Variants in FBXL17 observed in about 807,000 individuals in gnomAD.
FBXL17 encodes F-box/LRR-repeat protein 17.
In FBXL17, 22 loss-of-function variants were observed where a neutral mutation model predicts 66.2. The observed-to-expected ratio is 0.33, with a 90% CI of 0.24 to 0.47. The LOEUF (loss-of-function observed/expected upper bound fraction) is 0.47. FBXL17 is among the 20% of genes least tolerant of loss of function. The pLI is 1.00. For synonymous variants in FBXL17, 474 were observed against 400.5 expected, an observed-to-expected ratio of 1.18 and a Z score of -2.19; for missense variants, 878 against 948.2, an observed-to-expected ratio of 0.93 and a Z score of 0.97.
intron 4 of FBXL17, among the ~76,000 whole-genome samples, chr5:108,257,415 T>C (rs766965670): frequency 5.7e-4 from 86 of 152,144 alleles, no homozygotes; most frequent in Non-Finnish European, 4.6e-4. Flanking sequence ...TGATTAAATC[T>C]TACCAAGGCC....
chr5:107,935,822 A>G (rs1368710323), intron 7 of FBXL17, among the ~76,000 whole-genome samples: 2 of 152,088 alleles, frequency 1.3e-5, no homozygotes, highest in African/African-American at 4.8e-5. Context: ...CATGGAAGCA[A>G]TGGAGGGGAA....
chr5:108,001,559 G>A (rs908364458), intron 7 of FBXL17, among the ~76,000 whole-genome samples: 8 of 151,700 alleles, frequency 5.3e-5, no homozygotes, highest in African/African-American at 1.2e-4. Flanking sequence ...GGAGTGCAGC[G>A]GTGCTATCTC....
At chr5:108,288,278 C>CA (rs1022103394) in intron 4 of FBXL17, among the ~76,000 whole-genome samples, 3 of 145,668 alleles carry the variant, frequency 2.1e-5, no homozygotes, top group African/African-American at 7.6e-5. Flanking sequence ...AGTTCAACAA[C>CA]AAAAAAAGCT....
intron 6 of FBXL17, among the ~76,000 whole-genome samples, chr5:108,054,443 A>T (rs10043959): frequency 0.29 from 43,704 of 151,746 alleles, 7,477 homozygotes; most frequent in Admixed American, 0.4. Context: ...GACTCCTCAC[A>T]GAGTTTCCAC....
rs1037056174 is a variant in FBXL17 at position 108,054,182 on chromosome 5, G to C, written c.1746-33181C>G. Among the ~76,000 whole-genome samples the C allele has an allele frequency of 2.6e-5, 4 of 151,568 alleles. No homozygotes were observed. The South Asian group carries it at 8.3e-4, about 32-fold the overall frequency. ...TGCAGCAAACCATCATGGCACATGTGTACCTGTGTAACAAACCTGCACATT... is the reference window on the plus strand; with the variant it reads ...TGCAGCAAACCATCATGGCACATGTCTACCTGTGTAACAAACCTGCACATT... On this transcript the variant is annotated intron_variant, in intron 6 of 8. Coordinates refer to ENST00000542267, the MANE Select transcript of FBXL17 (RefSeq NM_001163315.3).
chr5:108,318,461 A>C (rs921405966), intron 4 of FBXL17, among the ~76,000 whole-genome samples: 2 of 151,746 alleles, frequency 1.3e-5, no homozygotes, highest in African/African-American at 4.8e-5. Context: ...TGTATACAGG[A>C]AAAAAAAGTT....
chr5:108,110,574 C>T (rs1749992175), intron 6 of FBXL17, among the ~76,000 whole-genome samples: 1 of 151,980 alleles, frequency 6.6e-6, no homozygotes, highest in Non-Finnish European at 1.5e-5. Context: ...CCCTAGTTTC[C>T]ACAGAGGAGA....
intron 4 of FBXL17, among the ~76,000 whole-genome samples, chr5:108,250,848 T>C (rs1259965459): frequency 6.6e-6 from 1 of 152,100 alleles, no homozygotes; most frequent in Non-Finnish European, 1.5e-5. Flanking sequence ...TCATACTTGA[T>C]ACATTCTTTG....
At chr5:107,946,643 GA>G (rs1304231269) in intron 7 of FBXL17, among the ~76,000 whole-genome samples, 1 of 151,786 alleles carries the variant, frequency 6.6e-6, no homozygotes, top group East Asian at 1.9e-4. Context: ...CTTGTATCTT[GA>G]AATCTTTGTC....
At chr5:108,302,815 C>T (rs1454519789) in intron 4 of FBXL17, among the ~76,000 whole-genome samples, 1 of 151,580 alleles carries the variant, frequency 6.6e-6, no homozygotes, top group Non-Finnish European at 1.5e-5. Flanking sequence ...TGTTGAAATA[C>T]AAATCAGTAA....
In FBXL17 at chr5:108,009,658, CA is replaced by C. The variant is rs1276273696; in HGVS notation, c.1822+11266del. Among the ~76,000 whole-genome samples the C allele has an allele frequency of 2.0e-5, 3 of 152,014 alleles. No individual in the cohort carries two copies. In the East Asian group the frequency reaches 5.8e-4, roughly 29 times the overall value. On this transcript the variant is annotated intron_variant, in intron 7 of 8. Coordinates refer to ENST00000542267, the MANE Select transcript of FBXL17 (RefSeq NM_001163315.3). ...CTAGGTGACTGAGTCTTTACAAGCC[CA>C]AGGGAATGTTTTAGGATAAGGGTGA...
intron 6 of FBXL17, among the ~76,000 whole-genome samples, chr5:108,102,658 G>A (rs920088008): frequency 6.6e-6 from 1 of 152,076 alleles, no homozygotes; most frequent in East Asian, 1.9e-4. Flanking sequence ...CTTTTGTTTT[G>A]CTTTCATTTA....
intron 4 of FBXL17, among the ~76,000 whole-genome samples, chr5:108,257,858 T>G (rs910306190): frequency 6.6e-6 from 1 of 152,126 alleles, no homozygotes; most frequent in East Asian, 1.9e-4. Flanking sequence ...ACCGAGGAAC[T>G]AAGAGTAATC....
intron 1 of FBXL17, among the ~76,000 whole-genome samples, chr5:108,371,780 A>G (rs556060155): frequency 2.6e-5 from 4 of 152,230 alleles, no homozygotes; most frequent in Non-Finnish European, 5.9e-5. Flanking sequence ...CAGTAATGAC[A>G]TTTTAAAATT....
At chr5:108,294,694 G>A (rs1251071731) in intron 4 of FBXL17, among the ~76,000 whole-genome samples, 1 of 151,740 alleles carries the variant, frequency 6.6e-6, no homozygotes, top group African/African-American at 2.4e-5. Flanking sequence ...CTGCATAAAG[G>A]TAAGTCTTTA....
intron 4 of FBXL17, among the ~76,000 whole-genome samples, chr5:108,230,727 T>TG (rs111266057): frequency 2.4e-5 from 2 of 83,690 alleles, no homozygotes; most frequent in East Asian, 9.2e-4. Context: ...GGAAATAAAT[T>TG]TAAAAAAAAA....
Position 107,881,205 on chromosome 5 carries a change from A to G in FBXL17, c.1823-26T>C, listed in dbSNP as rs761983314. Reference sequence around the variant, plus strand: ...CTGCAAGAAGGGACGCAGAGAAAGCATTAATGTTAGCAGTGTAAGGGAGCT... The same window carrying G: ...CTGCAAGAAGGGACGCAGAGAAAGCGTTAATGTTAGCAGTGTAAGGGAGCT... On this transcript the variant is annotated intron_variant, in intron 7 of 8. Transcript: ENST00000542267. 2.8e-6 allele frequency: 4 copies of G among 1,454,118 alleles called. No homozygotes were observed. The South Asian group carries it at 5.0e-5, about 18-fold the overall frequency. 90.1% of individuals were successfully genotyped at this position (1,454,118 alleles called of 1,614,324 possible).
At chr5:108,314,137 T>C (rs1759246024) in intron 4 of FBXL17, among the ~76,000 whole-genome samples, 1 of 151,742 alleles carries the variant, frequency 6.6e-6, no homozygotes, top group East Asian at 1.9e-4. Context: ...GCAAGAAAGA[T>C]CATATTTAAA....
intron 3 of FBXL17, among the ~76,000 whole-genome samples, chr5:108,361,841 A>G (rs1376042464): frequency 6.6e-6 from 1 of 152,126 alleles, no homozygotes; most frequent in African/African-American, 2.4e-5. Flanking sequence ...CAAATGAATA[A>G]TTTGCAAATA....
Sources: gnomAD v4.1 joint callset for allele counts (sites outside exome capture counted in the v4.1 genomes callset) on GRCh38, gnomAD v4.1.1 for gene constraint, MANE v1.5 for transcripts, NCBI Gene and HGNC (gene_info 2026-07-23, HGNC 2026-07-21) for gene names.